The following MACROD2 variants were observed in gnomAD, a reference collection of about 807,000 sequenced individuals.
The protein encoded by MACROD2 is mono-ADP ribosylhydrolase 2.
Under a neutral mutation model 70.4 loss-of-function variants are expected in MACROD2, and 36 were observed. That is an observed-to-expected ratio of 0.51 (90% CI 0.39 to 0.68). The LOEUF (loss-of-function observed/expected upper bound fraction) is 0.68, where lower values mean the gene tolerates loss of function less well. Among genes scored for constraint, MACROD2 ranks in the 30% least tolerant of loss-of-function variants. The probability of loss-of-function intolerance (pLI) is 0.00; values close to 1 mark genes in which losing one functional copy is unlikely to be tolerated. For synonymous variants in MACROD2, 172 were observed against 178.8 expected (o/e 0.96, Z 0.30); for missense variants, 496 against 538.4 (o/e 0.92, Z 0.78).
At chr20:15,523,888 A>G (rs777273211) in intron 8 of MACROD2, among the ~76,000 whole-genome samples, 1 of 152,158 alleles carries the variant, frequency 6.6e-6, no homozygotes, top group African/African-American at 2.4e-5. Context: ...GTGATGTGCC[A>G]GGCCTTATTC....
intron 8 of MACROD2, among the ~76,000 whole-genome samples, chr20:15,540,163 T>C (rs2047936369): frequency 6.6e-6 from 1 of 152,200 alleles, no homozygotes; most frequent in African/African-American, 2.4e-5. Context: ...CAGCTGAGCA[T>C]GGCTGGGTGC....
chr20:14,854,804 C>T (rs1286616959), intron 5 of MACROD2, among the ~76,000 whole-genome samples: 1 of 152,088 alleles, frequency 6.6e-6, no homozygotes, highest in Non-Finnish European at 1.5e-5. Flanking sequence ...ATCACAAGGC[C>T]AGGAGATCGA....
intron 8 of MACROD2, among the ~76,000 whole-genome samples, chr20:15,549,249 T>A (rs2048064741): frequency 6.6e-6 from 1 of 152,244 alleles, no homozygotes; most frequent in African/African-American, 2.4e-5. Flanking sequence ...CTTCTTCTAG[T>A]TTTCACCTTT....
intron 4 of MACROD2, among the ~76,000 whole-genome samples, chr20:14,544,095 A>C (rs2327863): frequency 0.84 from 127,328 of 152,142 alleles, 53,481 homozygotes; most frequent in African/African-American, 0.9. Flanking sequence ...GCAGACACTG[A>C]CAAACATTAA....
chr20:15,064,750 C>G (rs941318374), intron 5 of MACROD2, among the ~76,000 whole-genome samples: 1 of 152,190 alleles, frequency 6.6e-6, no homozygotes, highest in East Asian at 1.9e-4. Context: ...TTCACAAGAT[C>G]CCAAGCCTTA....
intron 5 of MACROD2, among the ~76,000 whole-genome samples, chr20:14,938,891 C>T (rs2074364837): frequency 7.1e-6 from 1 of 140,014 alleles, no homozygotes; most frequent in Non-Finnish European, 1.6e-5. Flanking sequence ...ATTTATGTGT[C>T]TTCTTTTGAG....
intron 8 of MACROD2, among the ~76,000 whole-genome samples, chr20:15,593,143 A>G (rs918002110): frequency 4.6e-5 from 7 of 152,168 alleles, no homozygotes; most frequent in Non-Finnish European, 8.8e-5. Flanking sequence ...ATTGTGTGTT[A>G]GATGTGATAT....
chr20:14,982,778 A>G (rs2423899), intron 5 of MACROD2, among the ~76,000 whole-genome samples: 5,248 of 152,316 alleles, frequency 0.034, 121 homozygotes, highest in Admixed American at 0.051. Flanking sequence ...GGGTCCTCAC[A>G]GAGAACCTCT....
chr20:15,244,043 GTACTCAA>G (rs2146012047), intron 6 of MACROD2, among the ~76,000 whole-genome samples: 1 of 152,144 alleles, frequency 6.6e-6, no homozygotes, highest in East Asian at 1.9e-4. Flanking sequence ...AAGATAATAA[GTACTCAA>G]TACACAGCAA....
intron 5 of MACROD2, among the ~76,000 whole-genome samples, chr20:14,873,412 C>G (rs2073512303): frequency 6.6e-6 from 1 of 152,092 alleles, no homozygotes; most frequent in Admixed American, 6.5e-5. Context: ...CTAGATGTAG[C>G]TTGATCTTTG....
chr20:14,905,464 G>C (rs909905396), intron 5 of MACROD2: 1 of 152,120 alleles, frequency 6.6e-6, no homozygotes, highest in Non-Finnish European at 1.5e-5. Context: ...GGCAAGGTGA[G>C]AAATAAGAGT....
intron 3 of MACROD2, chr20:14,325,768 G>A: frequency 6.2e-7 from 1 of 1,613,828 alleles, no homozygotes; most frequent in Non-Finnish European, 8.5e-7. Context: ...GTCCTTCTTA[G>A]TGCCAGCTTC....
At chr20:14,787,783 G>T (rs1021406827) in intron 5 of MACROD2, among the ~76,000 whole-genome samples, 1 of 152,064 alleles carries the variant, frequency 6.6e-6, no homozygotes, top group African/African-American at 2.4e-5. Flanking sequence ...TACAGTGCTT[G>T]GAGGAGATTC....
chr20:15,042,366 TGG>T, intron 5 of MACROD2, among the ~76,000 whole-genome samples: 1 of 152,166 alleles, frequency 6.6e-6, no homozygotes, highest in African/African-American at 2.4e-5. Flanking sequence ...ATAAAAATAA[TGG>T]TACATGTTCT....
chr20:14,054,615 G>A (rs966448046), intron 2 of MACROD2, among the ~76,000 whole-genome samples: 1 of 152,078 alleles, frequency 6.6e-6, no homozygotes, highest in Non-Finnish European at 1.5e-5. Flanking sequence ...AGCCAATAGA[G>A]TAAAAGTATA....
intron 5 of MACROD2, chr20:15,022,813 C>A (rs2075198713): frequency 1.3e-5 from 2 of 152,184 alleles, no homozygotes; most frequent in Admixed American, 6.5e-5. Context: ...TCTTCCTCTG[C>A]CCAACGCCTG....
intron 3 of MACROD2, among the ~76,000 whole-genome samples, chr20:14,261,886 T>C (rs749715112): frequency 1.6e-3 from 247 of 152,304 alleles, no homozygotes; most frequent in Non-Finnish European, 2.4e-3. Flanking sequence ...ACGTGATTTT[T>C]TTTTTCCTTT....
At chr20:14,150,200 C>T (rs2054998953) in intron 3 of MACROD2, among the ~76,000 whole-genome samples, 1 of 152,006 alleles carries the variant, frequency 6.6e-6, no homozygotes, top group Admixed American at 6.6e-5. Flanking sequence ...TAACTATGCT[C>T]AAAGAAGTTA....
At chr20:15,979,943 C>A (rs572793930) in intron 13 of MACROD2, among the ~76,000 whole-genome samples, 1 of 152,160 alleles carries the variant, frequency 6.6e-6, no homozygotes, top group Admixed American at 6.5e-5. Flanking sequence ...CAGCTGGGAG[C>A]ATCGACAAGC....
Sources: gnomAD v4.1 joint callset for allele counts (sites outside exome capture counted in the v4.1 genomes callset) on GRCh38, gnomAD v4.1.1 for gene constraint, MANE v1.5 for transcripts, NCBI Gene and HGNC (gene_info 2026-07-23, HGNC 2026-07-21) for gene names.